NECAB1: variants seen among roughly 807,000 people sequenced by gnomAD.
NECAB1 encodes the protein N-terminal EF-hand calcium binding protein 1.
In NECAB1, 29 loss-of-function variants were observed where a neutral mutation model predicts 57.5. The ratio of observed to expected loss-of-function variants is 0.50; its 90% CI spans 0.38 to 0.69. The LOEUF (loss-of-function observed/expected upper bound fraction) is 0.69. Among genes scored for constraint, NECAB1 ranks in the 30% least tolerant of loss-of-function variants. The pLI, the probability that NECAB1 is intolerant of heterozygous loss-of-function variation, is 0.00. For synonymous variants in NECAB1, 142 were observed against 147.7 expected (o/e 0.96, Z 0.28); for missense variants, 372 against 413.8 (o/e 0.90, Z 0.88).
chr8:90,951,520 T>G (rs1810924404), intron 12 of NECAB1, among the ~76,000 whole-genome samples: 1 of 152,142 alleles, frequency 6.6e-6, no homozygotes, highest in Admixed American at 6.6e-5. Context: ...ATATTGTAAT[T>G]TAGTGTACTG....
At chr8:90,855,837 G>A (rs1023186290) in intron 3 of NECAB1, among the ~76,000 whole-genome samples, 1 of 152,164 alleles carries the variant, frequency 6.6e-6, no homozygotes, top group Non-Finnish European at 1.5e-5. Flanking sequence ...GGGATTTCCA[G>A]GTTTTCAGCA....
At chr8:90,856,324 T>TA (rs1342355736) in intron 3 of NECAB1, among the ~76,000 whole-genome samples, 3 of 151,858 alleles carry the variant, frequency 2.0e-5, no homozygotes, top group Non-Finnish European at 2.9e-5. Flanking sequence ...TTTCTTTTTT[T>TA]AAAAAAAAGT....
chr8:90,841,033 G>A (rs1226576338), intron 3 of NECAB1, among the ~76,000 whole-genome samples: 2 of 151,714 alleles, frequency 1.3e-5, no homozygotes, highest in African/African-American at 2.4e-5. Context: ...CGAGGCGGGC[G>A]GATCACGAGG....
intron 11 of NECAB1, 58 bp from the exon 12 acceptor site, chr8:90,951,055 G>A: frequency 3.7e-6 from 4 of 1,070,150 alleles, no homozygotes; most frequent in East Asian, 2.7e-5. Flanking sequence ...GATCTCTGCT[G>A]TACTTGGGAA....
At chr8:90,893,386 G>A (rs772557941) in intron 5 of NECAB1, among the ~76,000 whole-genome samples, 1 of 152,060 alleles carries the variant, frequency 6.6e-6, no homozygotes, top group Non-Finnish European at 1.5e-5. Context: ...ACTAGTTAAG[G>A]CACTCAGTTA....
intron 4 of NECAB1, among the ~76,000 whole-genome samples, chr8:90,876,942 A>T (rs1808739291): frequency 6.6e-6 from 1 of 152,214 alleles, no homozygotes. Context: ...TTCTTCAGGA[A>T]GTTCTTCTAG....
chr8:90,941,816 C>T (rs1038674056), intron 10 of NECAB1, among the ~76,000 whole-genome samples: 1 of 152,212 alleles, frequency 6.6e-6, no homozygotes, highest in Non-Finnish European at 1.5e-5. Context: ...CAAGTCTCTG[C>T]CAGCCCATGC....
chr8:90,933,022 A>G (rs1274171052), intron 8 of NECAB1, among the ~76,000 whole-genome samples: 1 of 152,204 alleles, frequency 6.6e-6, no homozygotes. Context: ...CAAAACCACA[A>G]TGTGATACTA....
intron 5 of NECAB1, among the ~76,000 whole-genome samples, chr8:90,905,721 T>G (rs1809624227): frequency 6.6e-6 from 1 of 152,182 alleles, no homozygotes; most frequent in Admixed American, 6.5e-5. Flanking sequence ...GTTCTCTTTG[T>G]TCTCCTCTTA....
intron 2 of NECAB1, among the ~76,000 whole-genome samples, chr8:90,811,340 C>T (rs1542931): frequency 4.0e-4 from 61 of 152,048 alleles, no homozygotes; most frequent in Middle Eastern, 3.4e-3. Context: ...AATTTCAATG[C>T]GTTCACAATG....
chr8:90,849,762 C>T (rs1303147968), intron 3 of NECAB1, among the ~76,000 whole-genome samples: 1 of 133,820 alleles, frequency 7.5e-6, no homozygotes, highest in African/African-American at 2.8e-5. Flanking sequence ...GGCGTGATCT[C>T]GGCTCACCGC....
At position 90,953,494 on chromosome 8, in the gene NECAB1, T is replaced by C. The variant is rs145001685; in HGVS notation, c.1031-1993T>C. 3.3e-5 allele frequency among the ~76,000 whole-genome samples: 5 copies of C among 152,358 alleles called. No homozygotes were observed. The East Asian group carries it at 9.6e-4, about 29-fold the overall frequency. ...GCTGCCCTATTTTGTATTAATTTCATGTTACATTTAATTTCAACAATGATT... is the reference window on the plus strand; with the variant it reads ...GCTGCCCTATTTTGTATTAATTTCACGTTACATTTAATTTCAACAATGATT... On this transcript the variant is annotated intron_variant, in intron 12 of 12. Coordinates refer to ENST00000417640, the MANE Select transcript of NECAB1 (RefSeq NM_022351.5).
chr8:90,893,882 T>C (rs894576279), intron 5 of NECAB1, among the ~76,000 whole-genome samples: 9 of 152,180 alleles, frequency 5.9e-5, no homozygotes, highest in African/African-American at 2.2e-4. Context: ...ACATCAACTA[T>C]TCTCATGGTT....
chr8:90,947,303 TACACACACACACACACACACACAC>T (rs71771328), intron 10 of NECAB1, among the ~76,000 whole-genome samples: 7 of 78,286 alleles, frequency 8.9e-5, no homozygotes, highest in South Asian at 4.5e-4. Context: ...TAACAACACA[TACACACACACACACACACACACAC>T]ACACACACAC....
intron 5 of NECAB1, among the ~76,000 whole-genome samples, chr8:90,903,149 G>A (rs1018553809): frequency 9.9e-5 from 15 of 151,916 alleles, no homozygotes; most frequent in African/African-American, 3.1e-4. Flanking sequence ...TATTTCAATA[G>A]CTTTATTGAG....
intron 6 of NECAB1, among the ~76,000 whole-genome samples, chr8:90,924,800 T>C (rs1219591799): frequency 6.6e-6 from 1 of 152,150 alleles, no homozygotes; most frequent in East Asian, 1.9e-4. Flanking sequence ...ACATTTCCAT[T>C]TGTATATCAT....
At chr8:90,871,999 G>A (rs1808629539) in intron 3 of NECAB1, 129 bp from the exon 4 acceptor site, 2 of 679,588 alleles carry the variant, frequency 2.9e-6, no homozygotes, top group Non-Finnish European at 5.0e-6. Flanking sequence ...ATTTATAAGA[G>A]AAATACCTTA....
chr8:90,828,375 A>G (rs558912803), intron 3 of NECAB1, among the ~76,000 whole-genome samples: 2 of 152,172 alleles, frequency 1.3e-5, no homozygotes, highest in Admixed American at 1.3e-4. Context: ...TATCAACCAC[A>G]TGTCCTTATA....
chr8:90,848,433 T>C (rs1047399341), intron 3 of NECAB1, among the ~76,000 whole-genome samples: 3 of 152,200 alleles, frequency 2.0e-5, no homozygotes, highest in Non-Finnish European at 4.4e-5. Flanking sequence ...AGTTCCAAAG[T>C]CACTTCCACA....
Sources: allele counts gnomAD v4.1 joint callset (sites outside exome capture counted in the v4.1 genomes callset), GRCh38; gene constraint gnomAD v4.1.1; transcripts MANE v1.5; gene names NCBI Gene and HGNC (gene_info 2026-07-23, HGNC 2026-07-21).